FBXO15: variants seen among roughly 807,000 people sequenced by gnomAD.
The protein encoded by FBXO15 is F-box only protein 15.
A neutral mutation model predicts 49.5 loss-of-function variants in FBXO15; 30 were observed. The ratio of observed to expected loss-of-function variants is 0.61; its 90% CI spans 0.45 to 0.82. The LOEUF (loss-of-function observed/expected upper bound fraction) is 0.82, where lower values mean the gene tolerates loss of function less well. Ranked by LOEUF, FBXO15 falls within the 40% of genes least tolerant of loss-of-function variation. FBXO15 has a pLI of 0.00. For synonymous variants in FBXO15, 250 were observed against 232.7 expected (o/e 1.07, Z -0.68); for missense variants, 591 against 631.5 (o/e 0.94, Z 0.69).
intron 2 of FBXO15, 93 bp from the exon 3 acceptor site, chr18:74,135,959 A>ATTT: frequency 1.0e-6 from 1 of 977,694 alleles, no homozygotes; most frequent in Non-Finnish European, 1.5e-6. Flanking sequence ...CTCATCTCTA[A>ATTT]ATAGAAGGCC....
At chr18:74,125,782 G>A (rs1365779645) in intron 6 of FBXO15, among the ~76,000 whole-genome samples, 193 bp downstream of exon 6, 1 of 152,192 alleles carries the variant, frequency 6.6e-6, no homozygotes, top group Non-Finnish European at 1.5e-5. Context: ...TATCATAGCA[G>A]AACAGCACAG....
At chr18:74,138,679 G>A (rs565504720) in intron 2 of FBXO15, among the ~76,000 whole-genome samples, 1 of 151,914 alleles carries the variant, frequency 6.6e-6, no homozygotes, top group Non-Finnish European at 1.5e-5. Flanking sequence ...ACCTATCCCA[G>A]GCATCTCAGC....
chr18:74,119,551 C>A (rs1309172282), intron 8 of FBXO15, among the ~76,000 whole-genome samples: 3 of 152,084 alleles, frequency 2.0e-5, no homozygotes, highest in Non-Finnish European at 4.4e-5. Flanking sequence ...CTAGGTGTAG[C>A]AAAGTGGGTA....
intron 8 of FBXO15, among the ~76,000 whole-genome samples, chr18:74,110,441 T>G (rs1159993487): frequency 6.6e-6 from 1 of 151,700 alleles, no homozygotes; most frequent in Non-Finnish European, 1.5e-5. Context: ...TGGAATCATA[T>G]AAAATGCTCA....
chr18:74,085,602 A>G (rs1490962972), intron 8 of FBXO15, among the ~76,000 whole-genome samples: 1 of 152,174 alleles, frequency 6.6e-6, no homozygotes, highest in Non-Finnish European at 1.5e-5. Context: ...CAAAACAACA[A>G]AAAAAAGACA....
chr18:74,143,084 G>T (rs987979383), intron 1 of FBXO15, among the ~76,000 whole-genome samples: 2 of 152,112 alleles, frequency 1.3e-5, no homozygotes, highest in Non-Finnish European at 2.9e-5. Flanking sequence ...ATGGGAGTGT[G>T]GGGGTTGGCT....
intron 5 of FBXO15, among the ~76,000 whole-genome samples, chr18:74,128,464 G>A (rs1432992944): frequency 1.3e-5 from 2 of 152,168 alleles, no homozygotes; most frequent in Non-Finnish European, 1.5e-5. Flanking sequence ...AGAAACCAAT[G>A]GGTGGAACTG....
chr18:74,132,108 A>C (rs1244783757), intron 3 of FBXO15, among the ~76,000 whole-genome samples: 1 of 152,116 alleles, frequency 6.6e-6, no homozygotes, highest in Non-Finnish European at 1.5e-5. Context: ...TTTTATATTA[A>C]AGTGTTTGTG....
intron 3 of FBXO15, among the ~76,000 whole-genome samples, chr18:74,134,715 A>G (rs1382142221): frequency 6.6e-6 from 1 of 152,152 alleles, no homozygotes; most frequent in East Asian, 1.9e-4. Context: ...TATAATCCCT[A>G]GAAATGCAGA....
At chr18:74,079,447 G>A (rs1332617147) in intron 9 of FBXO15, among the ~76,000 whole-genome samples, 1 of 152,140 alleles carries the variant, frequency 6.6e-6, no homozygotes, top group Non-Finnish European at 1.5e-5. Context: ...CTGGAGATTA[G>A]ACAGTAGTGA....
intron 5 of FBXO15, 98 bp from the exon 6 acceptor site, chr18:74,126,199 G>A: frequency 6.7e-7 from 1 of 1,494,650 alleles, no homozygotes; most frequent in Non-Finnish European, 9.1e-7. Context: ...TGTTTGAAGA[G>A]CATGTTAATG....
At chr18:74,093,646 A>G (rs1913153824) in intron 8 of FBXO15, among the ~76,000 whole-genome samples, 1 of 152,254 alleles carries the variant, frequency 6.6e-6, no homozygotes, top group Non-Finnish European at 1.5e-5. Flanking sequence ...CAATTTAGTC[A>G]CAGCAGGCCC....
At chr18:74,092,600 G>C (rs777083239) in intron 8 of FBXO15, among the ~76,000 whole-genome samples, 8 of 152,114 alleles carry the variant, frequency 5.3e-5, no homozygotes, top group Non-Finnish European at 1.0e-4. Flanking sequence ...GTGACGTAAG[G>C]TAGGCTGAGT....
intron 8 of FBXO15, among the ~76,000 whole-genome samples, chr18:74,118,338 CCCGGCA>C (rs1210412911): frequency 2.0e-5 from 3 of 146,588 alleles, no homozygotes; most frequent in Non-Finnish European, 4.5e-5. Flanking sequence ...TGCTTGTAAT[CCCGGCA>C]CTTTGAGATT....
Position 74,129,518 on chromosome 18 carries a change from A to G in FBXO15, c.672T>C (p.Val224=). ...ATTTTTTGCCATACCATATAACAGT[A>G]ACTGATGTGTCATTTATGGAAAGAT... is the stretch of plus-strand genomic sequence containing the variant. The part of the protein sequence containing the change: ...HVDLSINDTS[V]TVIWYGKKWP... Residue 224 remains valine, a synonymous_variant, in exon 5 of 10, where the codon GTT becomes GTC. Transcript: ENST00000419743. 1 of 1,613,924 alleles carries G rather than the reference A, an allele frequency of 6.2e-7. No individual in the cohort carries two copies. The highest frequency in any genetic ancestry group is 8.5e-7 in the Non-Finnish European group (1 of 1,179,954).
chr18:74,144,989 T>G (rs1393374973), intron 1 of FBXO15, among the ~76,000 whole-genome samples: 1 of 152,250 alleles, frequency 6.6e-6, no homozygotes, highest in Non-Finnish European at 1.5e-5. Flanking sequence ...ATGATCTTAG[T>G]AAGTTCCTCA....
At chr18:74,093,263 T>TGGGGG (rs1555676377) in intron 8 of FBXO15, among the ~76,000 whole-genome samples, 2 of 123,592 alleles carry the variant, frequency 1.6e-5, no homozygotes, top group African/African-American at 6.4e-5. Context: ...GGCAAAACAA[T>TGGGGG]GGGGGGGGGG....
chr18:74,097,228 T>C (rs961004533), intron 8 of FBXO15: 1 of 152,228 alleles, frequency 6.6e-6, no homozygotes, highest in Admixed American at 6.5e-5. Context: ...ACGCAATGTC[T>C]CCTGGCCAGA....
At chr18:74,127,784 T>G (rs977110192) in intron 5 of FBXO15, among the ~76,000 whole-genome samples, 3 of 152,252 alleles carry the variant, frequency 2.0e-5, no homozygotes, top group African/African-American at 7.2e-5. Flanking sequence ...TATCTATTAC[T>G]TCTGACCTTG....
Sources: allele counts gnomAD v4.1 joint callset (sites outside exome capture counted in the v4.1 genomes callset), GRCh38; gene constraint gnomAD v4.1.1; transcripts MANE v1.5; gene names NCBI Gene and HGNC (gene_info 2026-07-23, HGNC 2026-07-21).